The following TOM1L2 variants were observed in gnomAD, a reference collection of about 807,000 sequenced individuals.
TOM1L2 encodes target of myb1 like 2 membrane trafficking protein.
In TOM1L2, 31 loss-of-function variants were observed where a neutral mutation model predicts 67.9. The observed-to-expected ratio is 0.46, with a 90% CI of 0.34 to 0.62. The LOEUF (loss-of-function observed/expected upper bound fraction) is 0.62, where lower values mean the gene tolerates loss of function less well. Ranked by LOEUF, TOM1L2 falls within the 20% of genes least tolerant of loss-of-function variation. The probability of loss-of-function intolerance (pLI) is 0.01; values close to 1 mark genes in which losing one functional copy is unlikely to be tolerated. For missense variants in TOM1L2, 606 were observed against 663.5 expected (o/e 0.91, Z 0.95); for synonymous variants, 256 against 254.0 (o/e 1.01, Z -0.07).
At chr17:17,895,369 C>T (rs1054710745) in intron 3 of TOM1L2, among the ~76,000 whole-genome samples, 1 of 152,208 alleles carries the variant, frequency 6.6e-6, no homozygotes, top group Non-Finnish European at 1.5e-5. Flanking sequence ...CTTCTGCAGC[C>T]ATCCCACAGG....
intron 4 of TOM1L2, among the ~76,000 whole-genome samples, chr17:17,886,439 G>A (rs1190883200): frequency 1.3e-5 from 2 of 152,254 alleles, no homozygotes; most frequent in African/African-American, 2.4e-5. Context: ...AGAGTAGGTT[G>A]CCCGTAGGGA....
chr17:17,897,022 T>G (rs2038610517), intron 3 of TOM1L2, among the ~76,000 whole-genome samples: 1 of 152,146 alleles, frequency 6.6e-6, no homozygotes, highest in Non-Finnish European at 1.5e-5. Context: ...AGTGAAGACC[T>G]AACCCAAGGA....
chr17:17,942,486 A>T (rs7224815), intron 1 of TOM1L2, among the ~76,000 whole-genome samples: 93,162 of 152,130 alleles, frequency 0.61, 31,675 homozygotes, highest in East Asian at 0.94. Flanking sequence ...AAATCATATC[A>T]ATTTAAAGGA....
At chr17:17,960,766 G>C (rs2041645809) in intron 1 of TOM1L2, among the ~76,000 whole-genome samples, 1 of 152,166 alleles carries the variant, frequency 6.6e-6, no homozygotes, top group Non-Finnish European at 1.5e-5. Context: ...CAGAATTGTT[G>C]TGGGAATTAA....
At chr17:17,927,788 C>CTGAGTAGCT (rs2040156214) in intron 1 of TOM1L2, among the ~76,000 whole-genome samples, 4 of 151,966 alleles carry the variant, frequency 2.6e-5, no homozygotes, top group African/African-American at 9.7e-5. Context: ...CCTCAGCCTC[C>CTGAGTAGCT]TGAGTAGCTG....
chr17:17,925,102 AG>A (rs1002220762), intron 1 of TOM1L2, among the ~76,000 whole-genome samples: 25 of 152,164 alleles, frequency 1.6e-4, no homozygotes, highest in African/African-American at 5.8e-4. Context: ...CATGAGTAAA[AG>A]CTTCCTGAAG....
At chr17:17,956,112 G>A (rs542285833) in intron 1 of TOM1L2, among the ~76,000 whole-genome samples, 67 of 152,192 alleles carry the variant, frequency 4.4e-4, no homozygotes, top group Non-Finnish European at 8.7e-4. Flanking sequence ...GCACGAAAAA[G>A]GACCCAAGTG....
At chr17:17,929,335 G>C (rs1340558006) in intron 1 of TOM1L2, among the ~76,000 whole-genome samples, 1 of 152,176 alleles carries the variant, frequency 6.6e-6, no homozygotes, top group African/African-American at 2.4e-5. Context: ...GGGGTTGATA[G>C]GGATATTCAA....
chr17:17,850,967 A>G lies in TOM1L2; in HGVS notation c.1279-15T>C. 1 of 1,613,584 alleles carries G rather than the reference A, an allele frequency of 6.2e-7. No individual in the cohort carries two copies. Among genetic ancestry groups the G allele is most frequent in the East Asian group, 2.2e-5 (1 of 44,886 alleles). On this transcript the variant is annotated splice_polypyrimidine_tract_variant and intron_variant, in intron 12 of 14. Transcript: ENST00000379504. ...GCAACGGGGATCTATGGAGGCGGCA[A>G]GCAGCGGGCCAGGCAGCCCCCACAC...
intron 1 of TOM1L2, among the ~76,000 whole-genome samples, chr17:17,928,614 C>T (rs549959950): frequency 3.9e-5 from 6 of 152,318 alleles, no homozygotes; most frequent in African/African-American, 1.4e-4. Flanking sequence ...GAATTAATTG[C>T]ACTCTTCTGG....
Position 17,871,130 on chromosome 17 carries a change from G to C in TOM1L2, c.778-1657C>G, listed in dbSNP as rs1158102843. On this transcript the variant is annotated intron_variant, in intron 7 of 14. Transcript: ENST00000379504. ...TCACGCCTGTAATCCCAAAACTATTGGAGGCCGAGGCGGATGGATCACGAG... is the reference window on the plus strand; with the variant it reads ...TCACGCCTGTAATCCCAAAACTATTCGAGGCCGAGGCGGATGGATCACGAG... 2.0e-5 allele frequency among the ~76,000 whole-genome samples: 3 copies of C among 152,194 alleles called. No individual in the cohort carries two copies. The East Asian group carries it at 5.8e-4, about 29-fold the overall frequency.
chr17:17,902,377 C>T lies in TOM1L2; in HGVS notation c.138-3703G>A, dbSNP rs539122299. Among the ~76,000 whole-genome samples the T allele has an allele frequency of 4.6e-5, 7 of 152,338 alleles. No homozygotes were observed. In the East Asian group the frequency reaches 1.3e-3, roughly 29 times the overall value. ...AATCTGCACCCACCAGGACCACAGC[C>T]TCCCATTGGTAAAGTATTGCACAAA... is the stretch of plus-strand genomic sequence containing the variant. On this transcript the variant is annotated intron_variant, in intron 2 of 14. Coordinates refer to ENST00000379504, the MANE Select transcript of TOM1L2 (RefSeq NM_001082968.2).
chr17:17,924,231 A>G (rs1442157725), intron 1 of TOM1L2, among the ~76,000 whole-genome samples: 4 of 152,184 alleles, frequency 2.6e-5, no homozygotes, highest in Non-Finnish European at 1.5e-5. Flanking sequence ...GAGACAGAAA[A>G]TAGATTAGTG....
intron 12 of TOM1L2, chr17:17,858,574 C>A (rs1289744195): frequency 6.6e-6 from 1 of 152,212 alleles, no homozygotes; most frequent in East Asian, 1.9e-4. Context: ...TGCCACCACA[C>A]CTGGCTAATT....
intron 14 of TOM1L2, 58 bp downstream of exon 14, chr17:17,848,765 T>C (rs1009939551): frequency 1.2e-4 from 184 of 1,589,080 alleles, no homozygotes; most frequent in Non-Finnish European, 1.6e-4. Context: ...GGCTGGCTCC[T>C]GTGCAGCCTG....
intron 4 of TOM1L2, among the ~76,000 whole-genome samples, chr17:17,889,555 C>T (rs1018090857): frequency 3.3e-5 from 5 of 152,198 alleles, no homozygotes; most frequent in African/African-American, 1.2e-4. Flanking sequence ...AGCTGGTAAT[C>T]AGAGCCATGG....
At chr17:17,955,324 C>G (rs200992928) in intron 1 of TOM1L2, among the ~76,000 whole-genome samples, 1 of 143,450 alleles carries the variant, frequency 7.0e-6, no homozygotes, top group Non-Finnish European at 1.5e-5. Flanking sequence ...CCACACAATT[C>G]CTTTTTTTTT....
chr17:17,861,342 C>T lies in TOM1L2; in HGVS notation c.1278+134G>A, dbSNP rs572584175. On this transcript the variant is annotated intron_variant, in intron 12 of 14. Coordinates refer to ENST00000379504, the MANE Select transcript of TOM1L2 (RefSeq NM_001082968.2). ...TACCTGGGTTCCACGGGGTGTCCCC[C>T]GTGGGTCTCTCCCCCAGGGTGTCCC... 1.3e-4 allele frequency: 94 copies of T among 740,728 alleles called. 1 individual carries two copies. The highest frequency in any genetic ancestry group is 1.3e-3 in the Admixed American group (48 of 38,298). The allele number at this position is 740,728 out of a possible 1,614,324, so 45.9% of individuals were successfully genotyped here.
intron 4 of TOM1L2, among the ~76,000 whole-genome samples, chr17:17,892,591 T>C (rs1028280142): frequency 2.6e-5 from 4 of 152,120 alleles, no homozygotes; most frequent in African/African-American, 9.7e-5. Context: ...GGCATCCTTC[T>C]GGTCCCATCT....
Sources: allele counts gnomAD v4.1 joint callset (sites outside exome capture counted in the v4.1 genomes callset), GRCh38; gene constraint gnomAD v4.1.1; transcripts MANE v1.5; gene names NCBI Gene and HGNC (gene_info 2026-07-23, HGNC 2026-07-21).